NEGR1: variants seen among roughly 807,000 people sequenced by gnomAD.
The protein encoded by NEGR1 is neuronal growth regulator 1, also known as IgLON family member 4.
NEGR1 carries 10 observed loss-of-function variants against 40.9 expected under a neutral mutation model. The observed-to-expected ratio is 0.24, with a 90% CI of 0.15 to 0.42. The LOEUF is 0.42. Among genes scored for constraint, NEGR1 ranks in the 10% least tolerant of loss-of-function variants. NEGR1 has a pLI of 1.00. For missense variants in NEGR1, 352 were observed against 438.9 expected (o/e 0.80, Z 1.77); for synonymous variants, 185 against 166.8 (o/e 1.11, Z -0.84).
chr1:72,148,168 G>A (rs1246297828), intron 1 of NEGR1, among the ~76,000 whole-genome samples: 5 of 152,086 alleles, frequency 3.3e-5, no homozygotes, highest in Non-Finnish European at 7.4e-5. Context: ...GATGCTCCAC[G>A]AGGACCCCGC....
At chr1:71,835,335 A>T (rs1352481372) in intron 2 of NEGR1, among the ~76,000 whole-genome samples, 1 of 152,148 alleles carries the variant, frequency 6.6e-6, no homozygotes, top group Admixed American at 6.6e-5. Context: ...GAAGAACTAC[A>T]AAGTCACATT....
intron 3 of NEGR1, among the ~76,000 whole-genome samples, chr1:71,715,850 G>A (rs1340093419): frequency 6.6e-6 from 1 of 152,084 alleles, no homozygotes; most frequent in Non-Finnish European, 1.5e-5. Flanking sequence ...ACATCTTCCT[G>A]TCTTCTTTTG....
chr1:71,620,456 T>C (rs1202995945), intron 4 of NEGR1, among the ~76,000 whole-genome samples: 1 of 151,992 alleles, frequency 6.6e-6, no homozygotes, highest in Non-Finnish European at 1.5e-5. Context: ...TATTGTTTCA[T>C]AGGAGGAGAG....
At chr1:71,415,967 T>C (rs1243658693) in intron 6 of NEGR1, among the ~76,000 whole-genome samples, 1 of 152,060 alleles carries the variant, frequency 6.6e-6, no homozygotes, top group Non-Finnish European at 1.5e-5. Context: ...TCGTGTGAAA[T>C]ACATTTGCAC....
chr1:72,196,752 G>GAGAC (rs1165280396), intron 1 of NEGR1, among the ~76,000 whole-genome samples: 4 of 139,222 alleles, frequency 2.9e-5, no homozygotes, highest in Non-Finnish European at 4.6e-5. Context: ...AGTGCAAAGA[G>GAGAC]AGACTCCATT....
At chr1:72,205,619 T>TA (rs533873858) in intron 1 of NEGR1, among the ~76,000 whole-genome samples, 44 of 146,598 alleles carry the variant, frequency 3.0e-4, no homozygotes, top group East Asian at 1.0e-3. Context: ...TTTTGTTAAC[T>TA]AAAAAAAAAT....
intron 2 of NEGR1, among the ~76,000 whole-genome samples, chr1:71,777,052 A>G (rs1482866404): frequency 6.6e-6 from 1 of 152,088 alleles, no homozygotes; most frequent in African/African-American, 2.4e-5. Context: ...AGAAGTTTTT[A>G]TCCCAGAATT....
At chr1:71,617,215 A>G (rs1213513) in intron 4 of NEGR1, among the ~76,000 whole-genome samples, 67,224 of 152,052 alleles carry the variant, frequency 0.44, 15,143 homozygotes, top group East Asian at 0.68. Context: ...CCTGCCTACC[A>G]CTAAGGATAT....
intron 6 of NEGR1, among the ~76,000 whole-genome samples, chr1:71,494,237 A>T (rs775675927): frequency 4.1e-4 from 63 of 152,154 alleles, no homozygotes; most frequent in Admixed American, 1.2e-3. Context: ...TAATCTCATG[A>T]AGAACTGATG....
intron 3 of NEGR1, among the ~76,000 whole-genome samples, chr1:71,773,324 A>G (rs1266611971): frequency 6.6e-6 from 1 of 152,220 alleles, no homozygotes; most frequent in Non-Finnish European, 1.5e-5. Flanking sequence ...CATGAGGTAT[A>G]TCTACATCTG....
chr1:71,445,095 G>C (rs913719138), intron 6 of NEGR1, among the ~76,000 whole-genome samples: 1 of 151,958 alleles, frequency 6.6e-6, no homozygotes, highest in African/African-American at 2.4e-5. Context: ...AAATATTCCT[G>C]GCTTCTGAGC....
chr1:71,913,057 GTTA>G (rs1661464673), intron 2 of NEGR1, among the ~76,000 whole-genome samples: 1 of 152,016 alleles, frequency 6.6e-6, no homozygotes, highest in Non-Finnish European at 1.5e-5. Flanking sequence ...CTAAATTCAT[GTTA>G]TTTCTAGCCT....
At chr1:71,938,242 G>T (rs12029938) in intron 1 of NEGR1, among the ~76,000 whole-genome samples, 19,694 of 151,852 alleles carry the variant, frequency 0.13, 1,665 homozygotes, top group East Asian at 0.43. Flanking sequence ...ACCATACATG[G>T]AATTTTACAA....
At chr1:71,589,928 C>T (rs1009271756) in intron 6 of NEGR1, among the ~76,000 whole-genome samples, 2 of 152,064 alleles carry the variant, frequency 1.3e-5, no homozygotes, top group African/African-American at 2.4e-5. Flanking sequence ...GTCAACTTGT[C>T]TACCCTCATC....
intron 3 of NEGR1, among the ~76,000 whole-genome samples, chr1:71,736,468 G>A (rs1655044761): frequency 2.0e-5 from 3 of 151,844 alleles, no homozygotes; most frequent in Non-Finnish European, 4.4e-5. Context: ...CCCTAAGTTC[G>A]AGCAGCAATC....
chr1:71,465,816 T>A (rs1646741770), intron 6 of NEGR1, among the ~76,000 whole-genome samples: 1 of 151,968 alleles, frequency 6.6e-6, no homozygotes, highest in African/African-American at 2.4e-5. Context: ...TTTAGGAAGA[T>A]GAATGGATTA....
At chr1:72,136,908 A>G (rs1650489902) in intron 1 of NEGR1, among the ~76,000 whole-genome samples, 1 of 152,158 alleles carries the variant, frequency 6.6e-6, no homozygotes, top group African/African-American at 2.4e-5. Flanking sequence ...GAAAAAAAAC[A>G]AACAACCCCA....
At chr1:72,180,036 A>C (rs948980414) in intron 1 of NEGR1, among the ~76,000 whole-genome samples, 2 of 152,070 alleles carry the variant, frequency 1.3e-5, no homozygotes, top group Admixed American at 1.3e-4. Context: ...AAAATCCTAA[A>C]ATTTGCATAG....
Position 71,406,977 on chromosome 1 carries a change from A to G in NEGR1, c.*469T>C, listed in dbSNP as rs1208603487. On this transcript the variant is annotated 3_prime_UTR_variant, in exon 7 of 7. Coordinates refer to ENST00000357731, the MANE Select transcript of NEGR1 (RefSeq NM_173808.3). ...TTTGAAGAAATAATCTGAAGGCAAT[A>G]TTATTTGCTTTTTTATCAAAAAAGA... 2 of 152,608 alleles carry G rather than the reference A, an allele frequency of 1.3e-5. No individual in the cohort carries two copies. 9.5% of individuals were successfully genotyped at this position (152,608 alleles called of 1,614,324 possible).
Sources: gnomAD v4.1 joint callset for allele counts (sites outside exome capture counted in the v4.1 genomes callset) on GRCh38, gnomAD v4.1.1 for gene constraint, MANE v1.5 for transcripts, NCBI Gene and HGNC (gene_info 2026-07-23, HGNC 2026-07-21) for gene names.